The following TAFA5 variants were observed in gnomAD, a reference collection of about 807,000 sequenced individuals.
The protein encoded by TAFA5 is chemokine-like protein TAFA-5.
In TAFA5, 6 loss-of-function variants were observed where a neutral mutation model predicts 15.3. The observed-to-expected ratio is 0.39, with a 90% CI of 0.21 to 0.77. The LOEUF (loss-of-function observed/expected upper bound fraction) is 0.77. Ranked by LOEUF, TAFA5 falls within the 30% of genes least tolerant of loss-of-function variation. The pLI, the probability that TAFA5 is intolerant of heterozygous loss-of-function variation, is 0.41. For synonymous variants in TAFA5, 103 were observed against 80.7 expected (o/e 1.28, Z -1.48); for missense variants, 161 against 193.1 (o/e 0.83, Z 0.98).
At chr22:48,675,999 G>C (rs1246899167) in intron 2 of TAFA5, among the ~76,000 whole-genome samples, 4 of 152,282 alleles carry the variant, frequency 2.6e-5, no homozygotes, top group African/African-American at 9.6e-5. Flanking sequence ...GCCTCCAGAA[G>C]GCTGCTGAGG....
rs1269424023 is a variant in TAFA5, at chr22:48,707,727, C to T, written c.273C>T (p.Ile91=). ...TCTTTTCTCCCACAGCAAGAATCAT[C>T]AAGACCAAGCAGTGGTGTGACATGC... is the stretch of plus-strand genomic sequence containing the variant. ...ARPACVDARI[I]KTKQWCDMLP... Residue 91 remains isoleucine, a synonymous_variant, in exon 3 of 4, where the codon ATC becomes ATT. Transcript: ENST00000402357. 3 of 1,613,870 alleles carry T rather than the reference C, an allele frequency of 1.9e-6. No individual in the cohort carries two copies. The highest frequency in any genetic ancestry group is 2.5e-6 in the Non-Finnish European group (3 of 1,179,838).
chr22:48,711,080 TGGA>T (rs1323251194), intron 3 of TAFA5, among the ~76,000 whole-genome samples: 1 of 152,092 alleles, frequency 6.6e-6, no homozygotes, highest in Non-Finnish European at 1.5e-5. Flanking sequence ...CCTCTGCTGG[TGGA>T]GGCTTAGAGG....
chr22:48,521,278 AT>A (rs1235065654), intron 1 of TAFA5, among the ~76,000 whole-genome samples: 2 of 151,924 alleles, frequency 1.3e-5, no homozygotes, highest in Non-Finnish European at 2.9e-5. Context: ...CCTCTTCCCG[AT>A]TTGGGTTTGT....
intron 2 of TAFA5, among the ~76,000 whole-genome samples, chr22:48,702,132 TGTGTGTGTGC>T (rs911585004): frequency 6.6e-6 from 1 of 151,816 alleles, no homozygotes; most frequent in African/African-American, 2.4e-5. Context: ...TGTGTGAGTG[TGTGTGTGTGC>T]GTGTGTGCGT....
chr22:48,726,069 A>G (rs1279168596), intron 3 of TAFA5, among the ~76,000 whole-genome samples: 2 of 152,206 alleles, frequency 1.3e-5, no homozygotes, highest in Non-Finnish European at 2.9e-5. Flanking sequence ...AATCCCCACA[A>G]ACACACATGC....
At position 48,525,525 on chromosome 22, in the gene TAFA5, GC is replaced by G. The variant is rs143315846; in HGVS notation, c.112+35824del. ...CCTTCCCCCTCCCGGCTGAACCTCT[GC>G]CCAGGTGGAGGCCCTTCCCACTCGG... On this transcript the variant is annotated intron_variant, in intron 1 of 3. Transcript: ENST00000402357. 0.018 allele frequency among the ~76,000 whole-genome samples: 2,779 copies of G among 152,232 alleles called. 130 individuals carry two copies. In the East Asian group the frequency reaches 0.18, roughly 10 times the overall value.
chr22:48,607,758 G>A (rs1354872734), intron 1 of TAFA5, among the ~76,000 whole-genome samples: 1 of 148,828 alleles, frequency 6.7e-6, no homozygotes, highest in African/African-American at 2.5e-5. Context: ...TGCCAGAAGG[G>A]TCTGCAGCAG....
At chr22:48,589,724 G>A (rs62225934) in intron 1 of TAFA5, among the ~76,000 whole-genome samples, 9,550 of 152,152 alleles carry the variant, frequency 0.063, 355 homozygotes, top group African/African-American at 0.091. Context: ...TGAAGATAGC[G>A]CAGGGTCTGG....
At chr22:48,681,814 T>TTGACAAATCACAACTTCTGCAC (rs1215975061) in intron 2 of TAFA5, among the ~76,000 whole-genome samples, 3 of 122,560 alleles carry the variant, frequency 2.4e-5, no homozygotes, top group East Asian at 2.0e-4. Context: ...TGGGGTGTTG[T>TTGACAAATCACAACTTCTGCAC]CCACATGTAG....
chr22:48,648,759 C>T (rs1205598366), intron 2 of TAFA5, among the ~76,000 whole-genome samples: 3 of 152,168 alleles, frequency 2.0e-5, no homozygotes, highest in East Asian at 1.9e-4. Context: ...ACCCGGGAGG[C>T]GGAGGTTGCA....
Position 48,750,116 on chromosome 22 carries a change from C to A in TAFA5, c.*269C>A, listed in dbSNP as rs131959. The A allele has an allele frequency of 0.35, 179,782 of 513,290 alleles. 35,383 individuals carry two copies. Among genetic ancestry groups the A allele is most frequent in the Non-Finnish European group, 0.43 (122,218 of 286,232 alleles). 31.8% of individuals were successfully genotyped at this position (513,290 alleles called of 1,614,324 possible). A position where few individuals can be genotyped will look rare whatever the true frequency, so the allele number is the denominator to read the frequency against. Reference sequence around the variant, plus strand: ...CAGTCTGTGGGAGCCCGGCCGCGCCCAGCCCCCGCCGACCGTGGCGTTGGC... The same window carrying A: ...CAGTCTGTGGGAGCCCGGCCGCGCCAAGCCCCCGCCGACCGTGGCGTTGGC... On this transcript the variant is annotated 3_prime_UTR_variant, in exon 4 of 4. Transcript: ENST00000402357.
At chr22:48,520,077 C>T (rs887238881) in intron 1 of TAFA5, among the ~76,000 whole-genome samples, 1 of 152,174 alleles carries the variant, frequency 6.6e-6, no homozygotes, top group Admixed American at 6.5e-5. Context: ...CCTGTGGAAA[C>T]GGAGGTGGAG....
chr22:48,727,729 A>G (rs2147265091), intron 3 of TAFA5, among the ~76,000 whole-genome samples: 1 of 152,360 alleles, frequency 6.6e-6, no homozygotes, highest in Non-Finnish European at 1.5e-5. Flanking sequence ...TAATAAGGTT[A>G]AAAGCAAAAA....
chr22:48,655,480 G>C (rs1486012199), intron 2 of TAFA5, among the ~76,000 whole-genome samples: 1 of 152,180 alleles, frequency 6.6e-6, no homozygotes, highest in Non-Finnish European at 1.5e-5. Flanking sequence ...CAGAGAGGCA[G>C]AACGCTCCAT....
intron 3 of TAFA5, among the ~76,000 whole-genome samples, chr22:48,718,273 C>T (rs930802718): frequency 2.6e-5 from 4 of 152,176 alleles, no homozygotes; most frequent in Non-Finnish European, 5.9e-5. Flanking sequence ...CCCGCTGTGG[C>T]CGTCATTAGT....
intron 1 of TAFA5, among the ~76,000 whole-genome samples, chr22:48,527,139 C>T (rs939388533): frequency 1.2e-4 from 18 of 152,256 alleles, no homozygotes; most frequent in African/African-American, 3.6e-4. Context: ...TCCCCTGGGC[C>T]AATTGACCAG....
chr22:48,573,372 T>A (rs1923652882), intron 1 of TAFA5, among the ~76,000 whole-genome samples: 1 of 152,200 alleles, frequency 6.6e-6, no homozygotes. Context: ...ATGGTTTCAG[T>A]ATTTGTAAAG....
chr22:48,610,423 C>T (rs376248015), intron 1 of TAFA5, among the ~76,000 whole-genome samples: 7 of 152,256 alleles, frequency 4.6e-5, no homozygotes, highest in African/African-American at 1.4e-4. Flanking sequence ...AAATAAATCA[C>T]GACGAAAGGT....
intron 1 of TAFA5, among the ~76,000 whole-genome samples, chr22:48,605,420 ATGGTGG>A (rs201199287): frequency 0.042 from 4,726 of 112,576 alleles, 245 homozygotes; most frequent in African/African-American, 0.14. Flanking sequence ...GATGGTGAGG[ATGGTGG>A]TGGTGGTGGT....
Sources: allele counts gnomAD v4.1 joint callset (sites outside exome capture counted in the v4.1 genomes callset), GRCh38; gene constraint gnomAD v4.1.1; transcripts MANE v1.5; gene names NCBI Gene and HGNC (gene_info 2026-07-23, HGNC 2026-07-21).